The following PRKG1 variants were observed in gnomAD, a reference collection of about 807,000 sequenced individuals.
PRKG1 encodes cGMP-dependent protein kinase 1.
PRKG1 carries 35 observed loss-of-function variants against 88.1 expected under a neutral mutation model. The ratio of observed to expected loss-of-function variants is 0.40; its 90% CI spans 0.30 to 0.53. The LOEUF is 0.53. PRKG1 is among the 20% of genes least tolerant of loss of function. The pLI, the probability that PRKG1 is intolerant of heterozygous loss-of-function variation, is 0.59. For synonymous variants in PRKG1, 303 were observed against 292.5 expected (o/e 1.04, Z -0.37); for missense variants, 540 against 839.8 (o/e 0.64, Z 4.41).
intron 5 of PRKG1, among the ~76,000 whole-genome samples, chr10:52,013,799 G>A (rs980141240): frequency 7.9e-5 from 12 of 152,212 alleles, no homozygotes; most frequent in African/African-American, 2.9e-4. Flanking sequence ...TATGGCAGCA[G>A]TATGAAGGAT....
At chr10:52,225,742 A>G (rs1840372529) in intron 9 of PRKG1, among the ~76,000 whole-genome samples, 1 of 152,062 alleles carries the variant, frequency 6.6e-6, no homozygotes, top group Non-Finnish European at 1.5e-5. Flanking sequence ...GTTGAAAAGG[A>G]TGTCCTTTCC....
rs186246592 is a variant in PRKG1, at chr10:52,010,081, C to A, written c.763-44403C>A. On this transcript the variant is annotated intron_variant, in intron 5 of 17. Coordinates refer to ENST00000373980, the MANE Select transcript of PRKG1 (RefSeq NM_006258.4). ...AAACTATAAAACTCATGGAAGATAA[C>A]CTAGGAAGTAGCATTCTGGACAAAA... Among the ~76,000 whole-genome samples the A allele has an allele frequency of 2.6e-5, 4 of 152,074 alleles. No homozygotes were observed. In the East Asian group the frequency reaches 7.7e-4, roughly 29 times the overall value.
chr10:51,970,941 G>C (rs991430612), intron 5 of PRKG1, among the ~76,000 whole-genome samples: 1 of 151,138 alleles, frequency 6.6e-6, no homozygotes, highest in African/African-American at 2.4e-5. Context: ...CCAAAAGCTA[G>C]AAATAATGTA....
At chr10:52,226,113 T>C (rs1840383648) in intron 9 of PRKG1, among the ~76,000 whole-genome samples, 1 of 151,942 alleles carries the variant, frequency 6.6e-6, no homozygotes, top group Non-Finnish European at 1.5e-5. Flanking sequence ...CTTATTTTTA[T>C]TGGCAATTTG....
At chr10:51,281,259 T>C (rs981606304) in intron 2 of PRKG1, among the ~76,000 whole-genome samples, 15 of 152,158 alleles carry the variant, frequency 9.9e-5, no homozygotes, top group Non-Finnish European at 1.9e-4. Flanking sequence ...ATGTGAGGTA[T>C]CAGTCTGCCC....
intron 1 of PRKG1, among the ~76,000 whole-genome samples, chr10:51,126,847 A>C (rs998234785): frequency 5.3e-5 from 8 of 152,166 alleles, no homozygotes; most frequent in Non-Finnish European, 1.2e-4. Context: ...AACCTGACAA[A>C]ACCAAGCAAT....
At chr10:51,469,153 C>A (rs1839981621) in intron 3 of PRKG1, among the ~76,000 whole-genome samples, 1 of 151,726 alleles carries the variant, frequency 6.6e-6, no homozygotes, top group Admixed American at 6.6e-5. Context: ...TTAAAAAGAA[C>A]CTTAACTATA....
At chr10:52,207,172 T>C (rs1839841740) in intron 9 of PRKG1, among the ~76,000 whole-genome samples, 1 of 152,164 alleles carries the variant, frequency 6.6e-6, no homozygotes, top group Non-Finnish European at 1.5e-5. Flanking sequence ...AGGCGAGGTC[T>C]ACTTGCACTT....
chr10:51,858,672 C>G (rs1840783755), intron 4 of PRKG1, among the ~76,000 whole-genome samples: 1 of 151,142 alleles, frequency 6.6e-6, no homozygotes, highest in South Asian at 2.1e-4. Context: ...TATTAGCAAA[C>G]AAGCATTTAC....
At chr10:51,065,128 A>G (rs1388649464) in intron 1 of PRKG1, among the ~76,000 whole-genome samples, 2 of 152,124 alleles carry the variant, frequency 1.3e-5, no homozygotes, top group African/African-American at 2.4e-5. Flanking sequence ...ATAGTTTTCT[A>G]CAAGATGTAT....
intron 5 of PRKG1, among the ~76,000 whole-genome samples, chr10:51,936,304 T>A (rs1049642972): frequency 1.3e-5 from 2 of 152,062 alleles, no homozygotes; most frequent in Admixed American, 6.6e-5. Context: ...CTGTTGCTGA[T>A]GGCCTCCTCG....
chr10:51,271,911 A>C (rs1839988989), intron 2 of PRKG1, among the ~76,000 whole-genome samples: 1 of 152,202 alleles, frequency 6.6e-6, no homozygotes, highest in Admixed American at 6.5e-5. Flanking sequence ...AGAATGATTT[A>C]TAATTCTTTG....
At chr10:51,582,114 C>T (rs1006020445) in intron 3 of PRKG1, among the ~76,000 whole-genome samples, 12 of 152,076 alleles carry the variant, frequency 7.9e-5, no homozygotes, top group Admixed American at 5.9e-4. Flanking sequence ...TGGCTGAAAA[C>T]AAATTTAACT....
chr10:51,099,966 G>A (rs1048452730), intron 1 of PRKG1, among the ~76,000 whole-genome samples: 2 of 152,100 alleles, frequency 1.3e-5, no homozygotes, highest in Admixed American at 6.6e-5. Context: ...CACAATCATA[G>A]CTCAGCAGCC....
intron 9 of PRKG1, among the ~76,000 whole-genome samples, chr10:52,196,296 G>A (rs1005072377): frequency 8.5e-5 from 13 of 152,146 alleles, no homozygotes; most frequent in African/African-American, 2.4e-4. Context: ...GATTACAGGC[G>A]TGAGCCACCG....
intron 2 of PRKG1, among the ~76,000 whole-genome samples, chr10:51,330,995 T>G (rs1841726709): frequency 6.6e-6 from 1 of 152,118 alleles, no homozygotes; most frequent in African/African-American, 2.4e-5. Flanking sequence ...CTCCTCATAG[T>G]CTCAGGTGTG....
chr10:51,185,683 C>G (rs1476485539), intron 2 of PRKG1, among the ~76,000 whole-genome samples: 1 of 151,770 alleles, frequency 6.6e-6, no homozygotes, highest in Admixed American at 6.6e-5. Context: ...TTATGAACAT[C>G]TAAGTCTTTA....
chr10:51,421,804 C>T (rs1838423570), intron 2 of PRKG1, among the ~76,000 whole-genome samples: 1 of 152,096 alleles, frequency 6.6e-6, no homozygotes, highest in African/African-American at 2.4e-5. Flanking sequence ...TTCTAAGATC[C>T]CTATTGAAAC....
intron 4 of PRKG1, among the ~76,000 whole-genome samples, chr10:51,815,212 T>C (rs1839554712): frequency 6.6e-6 from 1 of 152,234 alleles, no homozygotes. Context: ...GTTGTAGCTT[T>C]GAACCTTATA....
Sources: gnomAD v4.1 joint callset for allele counts (sites outside exome capture counted in the v4.1 genomes callset) on GRCh38, gnomAD v4.1.1 for gene constraint, MANE v1.5 for transcripts, NCBI Gene and HGNC (gene_info 2026-07-23, HGNC 2026-07-21) for gene names.